Variants in NR3C1 observed in about 807,000 individuals in gnomAD.
The protein encoded by NR3C1 is nuclear receptor subfamily 3 group C member 1.
A neutral mutation model predicts 74.0 loss-of-function variants in NR3C1; 14 were observed. That is an observed-to-expected ratio of 0.19 (90% confidence interval 0.12 to 0.30). NR3C1 has a LOEUF of 0.30. Ranked by LOEUF, NR3C1 falls within the 10% of genes least tolerant of loss-of-function variation. The pLI, the probability that NR3C1 is intolerant of heterozygous loss-of-function variation, is 1.00. For missense variants in NR3C1, 695 were observed against 909.8 expected (o/e 0.76, Z 3.04); for synonymous variants, 308 against 332.5 (o/e 0.93, Z 0.80).
upstream of NR3C1, chr5:143,405,202 T>C (rs994390538): frequency 4.1e-6 from 4 of 985,754 alleles, no homozygotes; most frequent in South Asian, 1.9e-4. Flanking sequence ...TTGTGCTGTG[T>C]GGGTTTAGGG....
In NR3C1 at chr5:143,282,780, T is replaced by C. The variant is rs910953440; in HGVS notation, c.2024-55A>G. 42 of 1,366,284 alleles carry C rather than the reference T, an allele frequency of 3.1e-5. No homozygotes were observed. The African/African-American group carries it at 4.0e-4, about 13-fold the overall frequency. The allele number at this position is 1,366,284 out of a possible 1,614,324, so 84.6% of individuals were successfully genotyped here. On this transcript the variant is annotated intron_variant, in intron 7 of 8. Coordinates refer to ENST00000394464, the MANE Select transcript of NR3C1 (RefSeq NM_000176.3). Reference sequence around the variant, plus strand: ...GATTTTCTTTTTCTTTTCTTTTCTTTTTTTTTTTTTTTTGAGATAGATAGG... The same window carrying C: ...GATTTTCTTTTTCTTTTCTTTTCTTCTTTTTTTTTTTTTGAGATAGATAGG...
chr5:143,406,237 C>T (rs1163520761), upstream of NR3C1, among the ~76,000 whole-genome samples: 4 of 151,662 alleles, frequency 2.6e-5, no homozygotes, highest in Admixed American at 6.6e-5. Flanking sequence ...TCTAAGAATC[C>T]ACCTCATCGC....
intron 1 of NR3C1, among the ~76,000 whole-genome samples, chr5:143,423,440 GAC>G (rs1198317822): frequency 1.3e-5 from 2 of 152,078 alleles, no homozygotes; most frequent in East Asian, 1.9e-4. Context: ...CTATCAAAAA[GAC>G]AGGGAATTAC....
intron 2 of NR3C1, among the ~76,000 whole-genome samples, chr5:143,393,947 C>T (rs1343297771): frequency 6.6e-6 from 1 of 151,950 alleles, no homozygotes; most frequent in Non-Finnish European, 1.5e-5. Flanking sequence ...TTATTGAACT[C>T]TCAAATTATT....
At chr5:143,388,830 CT>C (rs1837730812) in intron 2 of NR3C1, among the ~76,000 whole-genome samples, 1 of 152,168 alleles carries the variant, frequency 6.6e-6, no homozygotes, top group Admixed American at 6.5e-5. Context: ...GGTACACAAA[CT>C]GAGGTTATGG....
chr5:143,371,208 G>T (rs1371535453), intron 2 of NR3C1, among the ~76,000 whole-genome samples: 3 of 152,014 alleles, frequency 2.0e-5, no homozygotes, highest in Non-Finnish European at 2.9e-5. Flanking sequence ...CTCCCTGAAG[G>T]TTATCAAATT....
chr5:143,360,076 G>A (rs1453968890), intron 2 of NR3C1, among the ~76,000 whole-genome samples: 1 of 152,148 alleles, frequency 6.6e-6, no homozygotes, highest in Admixed American at 6.5e-5. Flanking sequence ...GGTATTTGTG[G>A]TTTGTTTACT....
intron 2 of NR3C1, among the ~76,000 whole-genome samples, chr5:143,373,010 TA>T (rs1361925841): frequency 7.2e-5 from 11 of 152,190 alleles, no homozygotes; most frequent in Non-Finnish European, 1.0e-4. Context: ...GACTTCTAAA[TA>T]TTTTTTATAA....
chr5:143,365,898 T>C (rs1406551736), intron 2 of NR3C1, among the ~76,000 whole-genome samples: 2 of 152,084 alleles, frequency 1.3e-5, no homozygotes, highest in East Asian at 3.8e-4. Flanking sequence ...TCCTAAATAA[T>C]AAACGGGTTA....
intron 1 of NR3C1, among the ~76,000 whole-genome samples, 192 bp downstream of exon 1, chr5:143,403,019 G>C (rs1840636433): frequency 6.6e-6 from 1 of 151,630 alleles, no homozygotes; most frequent in South Asian, 2.1e-4. Flanking sequence ...GGAGGGAGAG[G>C]AAGAGGCCAG....
At chr5:143,396,220 G>A (rs1345533504) in intron 2 of NR3C1, among the ~76,000 whole-genome samples, 1 of 151,716 alleles carries the variant, frequency 6.6e-6, no homozygotes, top group African/African-American at 2.4e-5. Context: ...TACACAGTGT[G>A]TTTTAAAAAC....
intron 2 of NR3C1, among the ~76,000 whole-genome samples, chr5:143,332,419 G>GA (rs1297795329): frequency 7.0e-6 from 1 of 143,092 alleles, no homozygotes; most frequent in African/African-American, 2.6e-5. Flanking sequence ...GGGTGGGGGG[G>GA]CGGGACAGCA....
chr5:143,294,384 G>A (rs1816662042), intron 7 of NR3C1: 2 of 853,478 alleles, frequency 2.3e-6, no homozygotes, highest in Non-Finnish European at 2.8e-6. Context: ...ATACCAACTA[G>A]TTCATAGAGC....
chr5:143,422,136 A>G lies in NR3C1; in HGVS notation c.-14+12396T>C, dbSNP rs568316339. Among the ~76,000 whole-genome samples the G allele has an allele frequency of 1.3e-3, 194 of 152,242 alleles. 2 individuals are homozygous for G. Among genetic ancestry groups the G allele is most frequent in the African/African-American group, 3.4e-3 (142 of 41,548 alleles). ...TTCCTCCCAAGTATGACATCTCACC[A>G]AGCTCTCCCCATCTTTACCTTCCAT... On this transcript the variant is annotated intron_variant, in intron 1 of 8. Coordinates refer to the NR3C1 transcript ENST00000343796.
rs201541972 is a variant in NR3C1, at chr5:143,396,856, CCT to C, written c.1184+2798_1184+2799del. 4.7e-3 allele frequency among the ~76,000 whole-genome samples: 721 copies of C among 151,914 alleles called. 17 individuals carry two copies. The highest frequency in any genetic ancestry group is 0.043 in the Admixed American group (660 of 15,270). ...CACCTAAAACCATTTCTGTTCTCTA[CCT>C]CTGTCATTAATGCTTAAATGAAACA... is the stretch of plus-strand genomic sequence containing the variant. On this transcript the variant is annotated intron_variant, in intron 2 of 8. Transcript: ENST00000394464.
chr5:143,381,319 T>C (rs943871090), intron 2 of NR3C1, among the ~76,000 whole-genome samples: 1 of 152,268 alleles, frequency 6.6e-6, no homozygotes, highest in South Asian at 2.1e-4. Context: ...AGATAGTCCA[T>C]GCTCATGGAT....
chr5:143,305,697 G>C (rs573364959), intron 4 of NR3C1, among the ~76,000 whole-genome samples: 24 of 152,178 alleles, frequency 1.6e-4, no homozygotes, highest in African/African-American at 4.8e-4. Flanking sequence ...AGTACACATA[G>C]ACATAAAGAT....
chr5:143,357,777 C>T (rs1230850109), intron 2 of NR3C1, among the ~76,000 whole-genome samples: 1 of 152,220 alleles, frequency 6.6e-6, no homozygotes, highest in Admixed American at 6.5e-5. Flanking sequence ...TACATATCTT[C>T]ATAACTGCAT....
rs1179732113 is a variant in NR3C1, at chr5:143,403,497, C to T, written c.-300G>A. On this transcript the variant is annotated 5_prime_UTR_variant, in exon 1 of 9. Coordinates refer to ENST00000394464, the MANE Select transcript of NR3C1 (RefSeq NM_000176.3). ...CCCGGTCCCAGCTGCTTCGGCCGCT[C>T]CGGCTGCGGCGTCTCCTTCCACCCA... The T allele has an allele frequency of 2.0e-6, 2 of 985,240 alleles. No homozygotes were observed. The highest frequency in any genetic ancestry group is 5.2e-4 in the Middle Eastern group (1 of 1,910). The allele number at this position is 985,240 out of a possible 1,614,324, so 61.0% of individuals were successfully genotyped here.
Sources: gnomAD v4.1 joint callset for allele counts (sites outside exome capture counted in the v4.1 genomes callset) on GRCh38, gnomAD v4.1.1 for gene constraint, MANE v1.5 for transcripts, NCBI Gene and HGNC (gene_info 2026-07-23, HGNC 2026-07-21) for gene names.